The following COL19A1 variants were observed in gnomAD, a reference collection of about 807,000 sequenced individuals.
The protein encoded by COL19A1 is collagen type XIX alpha 1 chain, also known as collagen alpha-1(XIX) chain.
A neutral mutation model predicts 190.2 loss-of-function variants in COL19A1; 159 were observed. The ratio of observed to expected loss-of-function variants is 0.84; its 90% confidence interval spans 0.73 to 0.95. The LOEUF (loss-of-function observed/expected upper bound fraction) is 0.95, where lower values mean the gene tolerates loss of function less well. Ranked by LOEUF, COL19A1 falls within the 40% of genes least tolerant of loss-of-function variation. The probability of loss-of-function intolerance (pLI) is 0.00; values close to 1 mark genes in which losing one functional copy is unlikely to be tolerated. For synonymous variants in COL19A1, 509 were observed against 458.9 expected (o/e 1.11, Z -1.39); for missense variants, 1,418 against 1,431.9 (o/e 0.99, Z 0.16).
chr6:70,152,338 A>G (rs1354925315), intron 31 of COL19A1, among the ~76,000 whole-genome samples: 3 of 152,144 alleles, frequency 2.0e-5, no homozygotes, highest in Non-Finnish European at 4.4e-5. Context: ...CACAATAGTA[A>G]GCAGGCAGAA....
chr6:70,008,447 G>A (rs1347127993), intron 11 of COL19A1, among the ~76,000 whole-genome samples: 3 of 151,912 alleles, frequency 2.0e-5, no homozygotes, highest in Non-Finnish European at 3.0e-5. Flanking sequence ...CAGATAAAAT[G>A]TACAAATTCT....
chr6:69,943,574 G>T (rs1393419941), intron 9 of COL19A1, among the ~76,000 whole-genome samples: 1 of 152,078 alleles, frequency 6.6e-6, no homozygotes, highest in Non-Finnish European at 1.5e-5. Context: ...ATTTTGGGTT[G>T]ATTTTTGCAT....
intron 17 of COL19A1, among the ~76,000 whole-genome samples, chr6:70,127,764 A>G (rs1785285777): frequency 7.2e-6 from 1 of 139,266 alleles, no homozygotes; most frequent in Admixed American, 7.3e-5. Flanking sequence ...CTTATTCACT[A>G]TCATGAGAAT....
At chr6:70,102,020 A>C (rs535970568) in intron 15 of COL19A1, 149 bp from the exon 16 acceptor site, 17 of 708,458 alleles carry the variant, frequency 2.4e-5, no homozygotes, top group Non-Finnish European at 3.9e-5. Flanking sequence ...ACAGCTTTTA[A>C]AATTGATATT....
chr6:69,920,433 A>T (rs999633658), intron 4 of COL19A1, among the ~76,000 whole-genome samples: 5 of 152,186 alleles, frequency 3.3e-5, no homozygotes, highest in African/African-American at 1.2e-4. Context: ...GAAGTGAATT[A>T]CAAGTTTAAA....
chr6:69,976,647 C>G (rs999066691), intron 11 of COL19A1, among the ~76,000 whole-genome samples: 1 of 151,924 alleles, frequency 6.6e-6, no homozygotes, highest in African/African-American at 2.4e-5. Context: ...ACGGAAGAGG[C>G]AAATGAAACA....
At chr6:70,186,959 C>T (rs1236390409) in intron 46 of COL19A1, among the ~76,000 whole-genome samples, 3 of 152,144 alleles carry the variant, frequency 2.0e-5, no homozygotes, top group Non-Finnish European at 2.9e-5. Flanking sequence ...CTCACCGCAA[C>T]CTCCGCCTCC....
chr6:70,142,842 T>C (rs375041181), intron 23 of COL19A1, 22 bp downstream of exon 23: 2 of 1,599,896 alleles, frequency 1.3e-6, no homozygotes, highest in African/African-American at 2.7e-5. Flanking sequence ...GTCTTTGATA[T>C]TTCTGGAATT....
At chr6:70,100,431 C>T (rs952879114) in intron 15 of COL19A1, among the ~76,000 whole-genome samples, 9 of 151,954 alleles carry the variant, frequency 5.9e-5, no homozygotes, top group Non-Finnish European at 8.8e-5. Context: ...ATTATATGTT[C>T]ATTTCAATCT....
chr6:70,111,147 T>C (rs1457093094), intron 16 of COL19A1, among the ~76,000 whole-genome samples: 2 of 152,222 alleles, frequency 1.3e-5, no homozygotes, highest in Non-Finnish European at 2.9e-5. Context: ...GTAATTTTAC[T>C]GCTGTATATC....
At chr6:70,027,287 C>T (rs1328811928) in intron 12 of COL19A1, among the ~76,000 whole-genome samples, 1 of 152,136 alleles carries the variant, frequency 6.6e-6, no homozygotes, top group Non-Finnish European at 1.5e-5. Context: ...CTTATAATAA[C>T]TTATTTTGTG....
intron 2 of COL19A1, among the ~76,000 whole-genome samples, chr6:69,887,304 T>C (rs1218120970): frequency 1.3e-5 from 2 of 152,214 alleles, no homozygotes; most frequent in African/African-American, 2.4e-5. Context: ...ACATAGTCAC[T>C]CGTAGTCATT....
intron 1 of COL19A1, among the ~76,000 whole-genome samples, chr6:69,870,033 G>A (rs1183059923): frequency 6.6e-6 from 1 of 152,164 alleles, no homozygotes; most frequent in Non-Finnish European, 1.5e-5. Flanking sequence ...TATGTTCACT[G>A]AGCTTTCTTT....
chr6:69,938,172 C>G, intron 9 of COL19A1, 72 bp downstream of exon 9: 1 of 1,393,108 alleles, frequency 7.2e-7, no homozygotes, highest in Admixed American at 1.9e-5. Context: ...GTGTTCATCT[C>G]ATTTTTCTTT....
intron 40 of COL19A1, among the ~76,000 whole-genome samples, chr6:70,169,588 G>C (rs1257606328): frequency 6.6e-6 from 1 of 152,120 alleles, no homozygotes; most frequent in East Asian, 1.9e-4. Flanking sequence ...TTAAAGAGCT[G>C]TTTGATTTTG....
intron 11 of COL19A1, among the ~76,000 whole-genome samples, chr6:69,986,863 A>G (rs925361155): frequency 6.6e-6 from 1 of 152,150 alleles, no homozygotes; most frequent in Non-Finnish European, 1.5e-5. Flanking sequence ...GCAATTGCCC[A>G]TTAGAAATTC....
At chr6:69,932,537 A>T (rs1247282051) in intron 6 of COL19A1, among the ~76,000 whole-genome samples, 1 of 152,016 alleles carries the variant, frequency 6.6e-6, no homozygotes, top group East Asian at 1.9e-4. Context: ...CAGCTAGCCA[A>T]GGTTTGCAAT....
Position 70,099,128 on chromosome 6 carries a change from T to C in COL19A1, c.1225-3041T>C, listed in dbSNP as rs146441990. The stretch of plus-strand genomic sequence containing the variant: ...TGCCCTGCCTGGACCCATAGCTCTG[T>C]TATGCTCTAAAGCTTCCACCCACAT... On this transcript the variant is annotated intron_variant, in intron 15 of 50. Transcript: ENST00000620364. 2.7e-3 allele frequency among the ~76,000 whole-genome samples: 409 copies of C among 151,494 alleles called. 2 individuals carry two copies. Among genetic ancestry groups the C allele is most frequent in the African/African-American group, 9.3e-3 (382 of 41,252 alleles).
In COL19A1 at chr6:70,210,963, A is replaced by AGG. The variant is rs1220005235; in HGVS notation, c.*3689_*3690insGG. On this transcript the variant is annotated 3_prime_UTR_variant, in exon 51 of 51. Transcript: ENST00000620364. ...GTTAACATGCAGATTAACTAGTCAT[A>AGG]ACTGTTTATACACCACTCTCATATT... Among the ~76,000 whole-genome samples, 1 of 152,132 alleles carries AGG rather than the reference A, an allele frequency of 6.6e-6. No individual in the cohort carries two copies. The highest frequency in any genetic ancestry group is 1.5e-5 in the Non-Finnish European group (1 of 67,984).
Sources: allele counts gnomAD v4.1 joint callset (sites outside exome capture counted in the v4.1 genomes callset), GRCh38; gene constraint gnomAD v4.1.1; transcripts MANE v1.5; gene names NCBI Gene and HGNC (gene_info 2026-07-23, HGNC 2026-07-21).